STPG2: variants seen among roughly 807,000 people sequenced by gnomAD.
STPG2 encodes sperm-tail PG-rich repeat-containing protein 2.
Under a neutral mutation model 54.2 loss-of-function variants are expected in STPG2, and 56 were observed. The ratio of observed to expected loss-of-function variants is 1.03; its 90% CI spans 0.83 to 1.29. The LOEUF is 1.29. STPG2 is among the 50% of genes most tolerant of loss of function. STPG2 has a pLI of 0.00. For missense variants in STPG2, 596 were observed against 544.9 expected, an observed-to-expected ratio of 1.09 and a Z score of -0.93; for synonymous variants, 200 against 181.8, an observed-to-expected ratio of 1.10 and a Z score of -0.81.
intron 5 of STPG2, among the ~76,000 whole-genome samples, chr4:98,031,709 A>G (rs1277987278): frequency 6.6e-6 from 1 of 152,104 alleles, no homozygotes; most frequent in Non-Finnish European, 1.5e-5. Flanking sequence ...AATAAAAAAA[A>G]GTAAATAACT....
intron 4 of STPG2, among the ~76,000 whole-genome samples, chr4:97,550,992 A>G (rs981167797): frequency 6.6e-6 from 1 of 151,638 alleles, no homozygotes; most frequent in Non-Finnish European, 1.5e-5. Context: ...AGGAAAGAAC[A>G]AACCTTCCAC....
chr4:97,543,459 C>T (rs185254812), intron 4 of STPG2, among the ~76,000 whole-genome samples: 59 of 150,452 alleles, frequency 3.9e-4, no homozygotes, highest in East Asian at 3.1e-3. Flanking sequence ...TTTTTCCTTA[C>T]GGGAAAAAAA....
At chr4:97,779,130 C>T (rs1726501675) in intron 9 of STPG2, among the ~76,000 whole-genome samples, 1 of 152,186 alleles carries the variant, frequency 6.6e-6, no homozygotes, top group Non-Finnish European at 1.5e-5. Context: ...GATCAAACTT[C>T]TCCGAGGTAA....
chr4:97,919,448 T>A (rs201772836), intron 8 of STPG2, among the ~76,000 whole-genome samples: 1 of 150,256 alleles, frequency 6.7e-6, no homozygotes, highest in African/African-American at 2.4e-5. Context: ...ACAGAAAAAT[T>A]AAAAAAAAGA....
intron 9 of STPG2, among the ~76,000 whole-genome samples, chr4:97,740,716 T>C (rs1221827849): frequency 6.6e-6 from 1 of 151,986 alleles, no homozygotes; most frequent in African/African-American, 2.4e-5. Flanking sequence ...TAAAAGAGGA[T>C]ACAAACAAAT....
At chr4:97,926,827 G>C (rs917193557) in intron 8 of STPG2, among the ~76,000 whole-genome samples, 3 of 151,938 alleles carry the variant, frequency 2.0e-5, no homozygotes. Flanking sequence ...AGAGACCACA[G>C]GCATGAGACT....
At chr4:97,538,566 T>C (rs916943651) in intron 4 of STPG2, among the ~76,000 whole-genome samples, 3 of 152,200 alleles carry the variant, frequency 2.0e-5, no homozygotes, top group Non-Finnish European at 2.9e-5. Context: ...CTACGTCTCA[T>C]TGGTGTACCT....
chr4:97,638,301 C>G (rs1373587204), intron 10 of STPG2, among the ~76,000 whole-genome samples: 2 of 152,084 alleles, frequency 1.3e-5, no homozygotes, highest in Non-Finnish European at 2.9e-5. Context: ...ATGTAGAAAG[C>G]TGAAACTGGA....
At chr4:98,014,769 C>T (rs192876198) in intron 5 of STPG2, among the ~76,000 whole-genome samples, 1 of 152,222 alleles carries the variant, frequency 6.6e-6, no homozygotes, top group African/African-American at 2.4e-5. Flanking sequence ...TGAAATCCCT[C>T]TAGTGTTTCT....
intron 4 of STPG2, among the ~76,000 whole-genome samples, chr4:97,472,503 G>A (rs1320667289): frequency 6.6e-6 from 1 of 152,168 alleles, no homozygotes; most frequent in Non-Finnish European, 1.5e-5. Flanking sequence ...AAGAAAATAT[G>A]TCCATACAAA....
chr4:97,626,926 A>T (rs1043457183), intron 10 of STPG2, among the ~76,000 whole-genome samples: 2 of 152,096 alleles, frequency 1.3e-5, no homozygotes, highest in Admixed American at 1.3e-4. Flanking sequence ...TACACATTTT[A>T]TTGTCTATAG....
At chr4:97,464,757 G>C (rs955346317) in intron 4 of STPG2, among the ~76,000 whole-genome samples, 2 of 151,940 alleles carry the variant, frequency 1.3e-5, no homozygotes, top group African/African-American at 4.8e-5. Context: ...ATAAATAGTG[G>C]GTGAATTGAA....
At chr4:97,758,129 T>A (rs2149050924) in intron 9 of STPG2, among the ~76,000 whole-genome samples, 1 of 152,328 alleles carries the variant, frequency 6.6e-6, no homozygotes, top group African/African-American at 2.4e-5. Flanking sequence ...TAGTGACAGG[T>A]ATTTCAGGAA....
chr4:97,710,679 C>A (rs1724085269), intron 10 of STPG2, among the ~76,000 whole-genome samples: 1 of 151,796 alleles, frequency 6.6e-6, no homozygotes, highest in Non-Finnish European at 1.5e-5. Flanking sequence ...GAGAGACTGT[C>A]AAATTAAAAT....
At chr4:98,064,457 A>C (rs923469543) in intron 5 of STPG2, among the ~76,000 whole-genome samples, 18 of 152,342 alleles carry the variant, frequency 1.2e-4, no homozygotes, top group Non-Finnish European at 1.9e-4. Context: ...CCTGAAACCT[A>C]CATTTTTGTG....
chr4:97,469,147 C>A (rs537781957), intron 4 of STPG2, among the ~76,000 whole-genome samples: 8 of 152,192 alleles, frequency 5.3e-5, no homozygotes, highest in African/African-American at 1.9e-4. Flanking sequence ...AAACATGCAC[C>A]ACCATGGTAT....
chr4:97,736,746 C>G (rs978819917), intron 9 of STPG2, among the ~76,000 whole-genome samples: 10 of 152,232 alleles, frequency 6.6e-5, no homozygotes, highest in African/African-American at 7.2e-5. Flanking sequence ...CTCAAGGAGG[C>G]CTGCCTGCCT....
chr4:98,011,713 G>A (rs1386435053), intron 5 of STPG2, among the ~76,000 whole-genome samples: 3 of 152,156 alleles, frequency 2.0e-5, no homozygotes, highest in Non-Finnish European at 4.4e-5. Context: ...AATGATCAGT[G>A]ATGTTGAGCT....
Position 98,018,596 on chromosome 4 carries a change from G to C in STPG2, c.613-37278C>G, listed in dbSNP as rs551638676. On this transcript the variant is annotated intron_variant, in intron 5 of 10. Coordinates refer to ENST00000295268, the MANE Select transcript of STPG2 (RefSeq NM_174952.3). ...TAGATCCCTGAGGAATCACCACACT[G>C]ACTTCCACAATGGTTGAACTAGTTT... Among the ~76,000 whole-genome samples the C allele has an allele frequency of 2.6e-3, 391 of 152,236 alleles. 2 individuals carry two copies. The highest frequency in any genetic ancestry group is 8.8e-3 in the African/African-American group (367 of 41,528).
Sources: gnomAD v4.1 joint callset for allele counts (sites outside exome capture counted in the v4.1 genomes callset) on GRCh38, gnomAD v4.1.1 for gene constraint, MANE v1.5 for transcripts, NCBI Gene and HGNC (gene_info 2026-07-23, HGNC 2026-07-21) for gene names.